The following SLC7A2 variants were observed in gnomAD, a reference collection of about 807,000 sequenced individuals.
SLC7A2 encodes the protein cationic amino acid transporter 2.
A neutral mutation model predicts 58.9 loss-of-function variants in SLC7A2; 48 were observed. The observed-to-expected ratio is 0.82, with a 90% CI of 0.65 to 1.04. The LOEUF is 1.04. SLC7A2 is among the 50% of genes least tolerant of loss of function. The pLI is 0.00. For missense variants in SLC7A2, 1,029 were observed against 818.8 expected (o/e 1.26, Z -3.13); for synonymous variants, 363 against 314.5 (o/e 1.15, Z -1.63).
intron 4 of SLC7A2, 149 bp from the exon 5 acceptor site, chr8:17,548,529 T>C: frequency 1.7e-6 from 1 of 579,990 alleles, no homozygotes; most frequent in Non-Finnish European, 3.0e-6. Context: ...GGTAATTAAC[T>C]AATGAGTAAG....
chr8:17,541,232 A>T (rs1372119944), intron 2 of SLC7A2, among the ~76,000 whole-genome samples: 1 of 152,166 alleles, frequency 6.6e-6, no homozygotes, highest in South Asian at 2.1e-4. Flanking sequence ...TGGTTTTTAT[A>T]TAACTTTTTG....
chr8:17,551,533 G>A (rs1462496505), intron 6 of SLC7A2, among the ~76,000 whole-genome samples: 3 of 152,124 alleles, frequency 2.0e-5, no homozygotes, highest in Admixed American at 1.3e-4. Flanking sequence ...GGAGGCGTGA[G>A]GTTGCAGTGA....
chr8:17,527,882 C>T (rs942409957), intron 2 of SLC7A2, among the ~76,000 whole-genome samples: 2 of 152,092 alleles, frequency 1.3e-5, no homozygotes, highest in South Asian at 4.1e-4. Flanking sequence ...CAATTCAATA[C>T]ATAACAAGGA....
At chr8:17,555,657 A>T (rs1802664402) in intron 8 of SLC7A2, among the ~76,000 whole-genome samples, 1 of 152,150 alleles carries the variant, frequency 6.6e-6, no homozygotes, top group Non-Finnish European at 1.5e-5. Context: ...GCCATCTAAC[A>T]GTTAGGAACA....
chr8:17,532,792 C>T (rs1410871765), intron 2 of SLC7A2, among the ~76,000 whole-genome samples: 11 of 152,188 alleles, frequency 7.2e-5, no homozygotes, highest in South Asian at 6.2e-4. Context: ...AAGCATTAGA[C>T]GCCCTGCAAT....
intron 8 of SLC7A2, chr8:17,554,906 A>G (rs1236713002): frequency 6.2e-7 from 1 of 1,609,492 alleles, no homozygotes; most frequent in Non-Finnish European, 8.5e-7. Flanking sequence ...AATAATCCTT[A>G]AAATAACTCA....
At chr8:17,557,200 T>C (rs1251603244) in intron 8 of SLC7A2, among the ~76,000 whole-genome samples, 1 of 152,212 alleles carries the variant, frequency 6.6e-6, no homozygotes, top group East Asian at 1.9e-4. Context: ...GATTTAAATC[T>C]TGTAGAGGGA....
intron 9 of SLC7A2, 39 bp downstream of exon 9, chr8:17,558,436 G>A (rs747269098): frequency 1.5e-6 from 2 of 1,335,886 alleles, no homozygotes; most frequent in South Asian, 1.2e-5. Context: ...TACCATGCAC[G>A]AGGGACTCTG....
chr8:17,513,283 C>G (rs1800677224), intron 2 of SLC7A2, among the ~76,000 whole-genome samples: 1 of 152,096 alleles, frequency 6.6e-6, no homozygotes, highest in Non-Finnish European at 1.5e-5. Flanking sequence ...CACAAGGATC[C>G]CAATTTCTGC....
chr8:17,538,265 T>C (rs1031213580), intron 2 of SLC7A2, among the ~76,000 whole-genome samples: 15 of 152,216 alleles, frequency 9.9e-5, no homozygotes, highest in African/African-American at 3.6e-4. Flanking sequence ...TTTTTTGTTT[T>C]TACCTATGTC....
intron 1 of SLC7A2, among the ~76,000 whole-genome samples, chr8:17,497,696 G>T (rs551760130): frequency 9.2e-5 from 14 of 152,320 alleles, no homozygotes; most frequent in African/African-American, 3.1e-4. Flanking sequence ...AGCCGCCTTC[G>T]CTCCTTTTCG....
At chr8:17,550,597 G>T (rs925992056) in intron 6 of SLC7A2, among the ~76,000 whole-genome samples, 163 bp downstream of exon 6, 1 of 152,184 alleles carries the variant, frequency 6.6e-6, no homozygotes, top group Non-Finnish European at 1.5e-5. Context: ...TAAAAAGAAA[G>T]AATGCAACTC....
At chr8:17,506,490 G>A (rs1227268433) in intron 2 of SLC7A2, among the ~76,000 whole-genome samples, 5 of 152,268 alleles carry the variant, frequency 3.3e-5, no homozygotes, top group East Asian at 1.9e-4. Context: ...CTTTGGACAC[G>A]TTCCTTTCTA....
intron 2 of SLC7A2, among the ~76,000 whole-genome samples, chr8:17,525,887 C>T (rs753797492): frequency 5.3e-5 from 8 of 152,064 alleles, no homozygotes; most frequent in Non-Finnish European, 1.2e-4. Context: ...TTGGGAAGTT[C>T]AAAAAATTTA....
At chr8:17,513,689 T>C (rs918416325) in intron 2 of SLC7A2, among the ~76,000 whole-genome samples, 11 of 152,180 alleles carry the variant, frequency 7.2e-5, no homozygotes, top group Non-Finnish European at 1.6e-4. Flanking sequence ...CAAGACATCA[T>C]TTTTGGCAGA....
At chr8:17,549,152 C>T (rs1007766886) in intron 5 of SLC7A2, among the ~76,000 whole-genome samples, 16 of 152,156 alleles carry the variant, frequency 1.1e-4, no homozygotes, top group African/African-American at 3.9e-4. Context: ...CAGGAAAGAC[C>T]TGCCCCCATG....
At chr8:17,531,264 G>C (rs944882309) in intron 2 of SLC7A2, among the ~76,000 whole-genome samples, 1 of 152,126 alleles carries the variant, frequency 6.6e-6, no homozygotes, top group African/African-American at 2.4e-5. Context: ...CTTCTTATTT[G>C]AAAATACTGC....
chr8:17,510,859 A>G (rs1471865120), intron 2 of SLC7A2: 1 of 152,224 alleles, frequency 6.6e-6, no homozygotes, highest in Non-Finnish European at 1.5e-5. Context: ...CCCAATGCTC[A>G]TCAGTGAGAG....
At chr8:17,542,351 T>C (rs1801948547) in intron 2 of SLC7A2, among the ~76,000 whole-genome samples, 1 of 152,140 alleles carries the variant, frequency 6.6e-6, no homozygotes, top group African/African-American at 2.4e-5. Flanking sequence ...TGGTATTTAG[T>C]AAGGCCTGAA....
Sources: gnomAD v4.1 joint callset for allele counts (sites outside exome capture counted in the v4.1 genomes callset) on GRCh38, gnomAD v4.1.1 for gene constraint, MANE v1.5 for transcripts, NCBI Gene and HGNC (gene_info 2026-07-23, HGNC 2026-07-21) for gene names.